The following BAZ1B variants were observed in gnomAD, a reference collection of about 807,000 sequenced individuals.
BAZ1B encodes the protein bromodomain adjacent to zinc finger domain 1B, also known as tyrosine-protein kinase BAZ1B.
Under a neutral mutation model 153.8 loss-of-function variants are expected in BAZ1B, and 22 were observed. The observed-to-expected ratio is 0.14, with a 90% CI of 0.10 to 0.20. BAZ1B has a LOEUF of 0.20. Among genes scored for constraint, BAZ1B ranks in the 10% least tolerant of loss-of-function variants. The pLI, the probability that BAZ1B is intolerant of heterozygous loss-of-function variation, is 1.00. For missense variants in BAZ1B, 1,325 were observed against 1,799.3 expected (o/e 0.74, Z 4.77); for synonymous variants, 676 against 633.4 (o/e 1.07, Z -1.01).
intron 1 of BAZ1B, among the ~76,000 whole-genome samples, chr7:73,517,197 A>AG (rs1790841768): frequency 6.6e-6 from 1 of 151,552 alleles, no homozygotes; most frequent in African/African-American, 2.4e-5. Context: ...ACAAAAAAAA[A>AG]AGAGAGAAAG....
At chr7:73,492,501 G>C (rs1292086145) in intron 5 of BAZ1B, among the ~76,000 whole-genome samples, 1 of 152,112 alleles carries the variant, frequency 6.6e-6, no homozygotes, top group Non-Finnish European at 1.5e-5. Flanking sequence ...GATTTCCTTG[G>C]AAAGTCCATA....
chr7:73,442,025 C>A (rs1554565139), intron 19 of BAZ1B, 156 bp downstream of exon 19: 4 of 610,820 alleles, frequency 6.5e-6, no homozygotes, highest in Non-Finnish European at 1.1e-5. Context: ...GACCACCAAC[C>A]CAATATCAAG....
Position 73,447,169 on chromosome 7 carries a change from A to G in BAZ1B, c.3844+95T>C, listed in dbSNP as rs1004970966. The G allele has an allele frequency of 7.5e-6, 12 of 1,605,818 alleles. No homozygotes were observed. The African/African-American group carries it at 9.4e-5, about 13-fold the overall frequency. On this transcript the variant is annotated intron_variant, in intron 16 of 19. Transcript: ENST00000339594. ...AACACAAGAGAAAAGGAATAGGGCAAGCCGGCCACACTACCTACTGCCAAG... is the reference window on the plus strand; with the variant it reads ...AACACAAGAGAAAAGGAATAGGGCAGGCCGGCCACACTACCTACTGCCAAG...
Position 73,450,060 on chromosome 7 carries a change from T to A in BAZ1B, c.3581-371A>T, listed in dbSNP as rs1053390374. ...GAGTGTTCTCTCTCTCTCTTTTTTT[T>A]TTTTGGAGACAGAGTCTTGCTCTGT... is the stretch of plus-strand genomic sequence containing the variant. On this transcript the variant is annotated intron_variant, in intron 14 of 19. Transcript: ENST00000339594. The surrounding 1 kb of genome is among the most constrained non-coding windows in gnomAD (Gnocchi z 4.1). Among the ~76,000 whole-genome samples the A allele has an allele frequency of 6.6e-6, 1 of 152,058 alleles. No homozygotes were observed. The highest frequency in any genetic ancestry group is 1.5e-5 in the Non-Finnish European group (1 of 67,980).
At chr7:73,494,668 G>A (rs193202910) in intron 4 of BAZ1B, among the ~76,000 whole-genome samples, 1 of 152,212 alleles carries the variant, frequency 6.6e-6, no homozygotes, top group African/African-American at 2.4e-5. Flanking sequence ...AGGATCACTT[G>A]AGCCTGGGAG....
chr7:73,519,114 T>C (rs1790928738), intron 1 of BAZ1B, among the ~76,000 whole-genome samples: 1 of 152,174 alleles, frequency 6.6e-6, no homozygotes, highest in Non-Finnish European at 1.5e-5. Flanking sequence ...AATGTGTGCA[T>C]TACTCACAAC....
At chr7:73,502,930 ATTC>A (rs1554577333) in intron 3 of BAZ1B, among the ~76,000 whole-genome samples, 1 of 152,208 alleles carries the variant, frequency 6.6e-6, no homozygotes, top group Non-Finnish European at 1.5e-5. Context: ...ATCATACTGT[ATTC>A]TTCTGCGACT....
intron 17 of BAZ1B, among the ~76,000 whole-genome samples, chr7:73,443,081 G>C (rs188367547): frequency 6.6e-6 from 1 of 152,196 alleles, no homozygotes; most frequent in African/African-American, 2.4e-5. Context: ...GGCAGCGGGG[G>C]CCGCCTTTAC....
chr7:73,521,168 C>G (rs1484638601), intron 1 of BAZ1B, among the ~76,000 whole-genome samples: 1 of 152,130 alleles, frequency 6.6e-6, no homozygotes, highest in African/African-American at 2.4e-5. Context: ...AAACCTGTGT[C>G]TGCCCAGGGA....
intron 4 of BAZ1B, among the ~76,000 whole-genome samples, chr7:73,498,259 C>G (rs987132932): frequency 2.0e-5 from 3 of 152,078 alleles, no homozygotes; most frequent in Admixed American, 2.0e-4. Context: ...GGCACCCAGC[C>G]CTGCATAGAG....
At chr7:73,505,559 A>C (rs965839451) in intron 3 of BAZ1B, among the ~76,000 whole-genome samples, 1 of 152,116 alleles carries the variant, frequency 6.6e-6, no homozygotes, top group Non-Finnish European at 1.5e-5. Context: ...AGACCTTCTG[A>C]ACTCTCAAGG....
chr7:73,494,189 C>G (rs62465151), intron 4 of BAZ1B, among the ~76,000 whole-genome samples: 251 of 152,112 alleles, frequency 1.7e-3, no homozygotes, highest in Non-Finnish European at 3.0e-3. Flanking sequence ...CGAGACCAGC[C>G]TGGCCAGCAT....
chr7:73,497,373 C>A (rs569301484), intron 4 of BAZ1B, among the ~76,000 whole-genome samples: 2 of 152,196 alleles, frequency 1.3e-5, no homozygotes, highest in East Asian at 3.9e-4. Context: ...TAGTATAGTA[C>A]GTACTACAGT....
At chr7:73,494,679 G>A (rs1019335187) in intron 4 of BAZ1B, among the ~76,000 whole-genome samples, 1 of 152,126 alleles carries the variant, frequency 6.6e-6, no homozygotes, top group East Asian at 1.9e-4. Flanking sequence ...AGCCTGGGAG[G>A]TTGAGGCTGC....
chr7:73,460,743 T>G (rs1554570251), intron 12 of BAZ1B, among the ~76,000 whole-genome samples: 1 of 152,156 alleles, frequency 6.6e-6, no homozygotes, highest in African/African-American at 2.4e-5. Flanking sequence ...GCTTCACTGA[T>G]CTCTTTTTAA....
At chr7:73,507,613 A>T (rs1367725324) in intron 3 of BAZ1B, among the ~76,000 whole-genome samples, 5 of 152,324 alleles carry the variant, frequency 3.3e-5, no homozygotes, top group African/African-American at 9.6e-5. Context: ...AATTATCAAA[A>T]AAGGATGAAA....
intron 4 of BAZ1B, among the ~76,000 whole-genome samples, chr7:73,493,795 T>C (rs1789753704): frequency 6.9e-6 from 1 of 145,940 alleles, no homozygotes; most frequent in South Asian, 2.2e-4. Context: ...GCCCTGATCT[T>C]GCGACTGCAC....
rs782426335 is a variant in BAZ1B at position 73,489,188 on chromosome 7, C to T, written c.891+6G>A. On this transcript the variant is annotated splice_donor_region_variant and intron_variant, in intron 6 of 19. Coordinates refer to ENST00000339594, the MANE Select transcript of BAZ1B (RefSeq NM_032408.4). The stretch of plus-strand genomic sequence containing the variant: ...CCTGCTGTCCAAAAATTAACAGTGA[C>T]CTTACCTTGTATGGATCAAGTAAAA... 5.6e-6 allele frequency: 9 copies of T among 1,613,672 alleles called. No individual in the cohort carries two copies. The East Asian group carries it at 8.9e-5, about 16-fold the overall frequency.
chr7:73,465,346 G>A, intron 11 of BAZ1B, 93 bp downstream of exon 11: 1 of 795,574 alleles, frequency 1.3e-6, no homozygotes, highest in Middle Eastern at 3.8e-4. Context: ...TTTTACTTTA[G>A]TAACTTAAAT....
Sources: gnomAD v4.1 joint callset for allele counts (sites outside exome capture counted in the v4.1 genomes callset) on GRCh38, gnomAD v4.1.1 for gene constraint, Gnocchi (gnomAD v3.1) non-coding constraint, MANE v1.5 for transcripts, NCBI Gene and HGNC (gene_info 2026-07-23, HGNC 2026-07-21) for gene names.